GSG1L: variants seen among roughly 807,000 people sequenced by gnomAD.
The protein encoded by GSG1L is germ cell-specific gene 1-like protein.
A neutral mutation model predicts 42.1 loss-of-function variants in GSG1L; 24 were observed. The observed-to-expected ratio is 0.57, with a 90% CI of 0.41 to 0.80. The LOEUF (loss-of-function observed/expected upper bound fraction) is 0.80. GSG1L is among the 30% of genes least tolerant of loss of function. The probability of loss-of-function intolerance (pLI) is 0.00; values close to 1 mark genes in which losing one functional copy is unlikely to be tolerated. For missense variants in GSG1L, 445 were observed against 472.2 expected (o/e 0.94, Z 0.53); for synonymous variants, 215 against 203.5 (o/e 1.06, Z -0.48).
chr16:27,902,558 G>A (rs1173357494), intron 2 of GSG1L, among the ~76,000 whole-genome samples: 1 of 152,110 alleles, frequency 6.6e-6, no homozygotes, highest in African/African-American at 2.4e-5. Context: ...CAGAGCAAGG[G>A]GAGGGAGAGG....
intron 2 of GSG1L, among the ~76,000 whole-genome samples, chr16:27,946,958 G>A (rs1465861245): frequency 2.6e-5 from 4 of 152,130 alleles, no homozygotes; most frequent in Admixed American, 6.6e-5. Flanking sequence ...CAAAGTGGAC[G>A]CTGTTATCCC....
At position 28,063,209 on chromosome 16, in the gene GSG1L, G is replaced by T. The variant is rs1162701310; in HGVS notation, c.216C>A (p.Ala72=). ...GGCCGTTCCCCGAGGCGGTGGCGGC[G>T]GCGGCGGCGGCGGCGGGGGCGGCGG... is the stretch of plus-strand genomic sequence containing the variant. ...NGTAAPAAAA[A]AATASGNGPP... The change falls in exon 1 of 7, where the codon GCC becomes GCA. Residue 72 remains alanine, a synonymous_variant. Transcript: ENST00000447459. The surrounding 1 kb of genome is among the most constrained non-coding windows in gnomAD (Gnocchi z 5.8). The T allele has an allele frequency of 7.9e-7, 1 of 1,261,608 alleles. No individual in the cohort carries two copies. The highest frequency in any genetic ancestry group is 2.8e-5 in the South Asian group (1 of 36,012). The allele number at this position is 1,261,608 out of a possible 1,614,324, so 78.2% of individuals were successfully genotyped here. A position where few individuals can be genotyped will look rare whatever the true frequency, so the allele number is the denominator to read the frequency against.
At chr16:27,908,471 C>G (rs2141049364) in intron 2 of GSG1L, among the ~76,000 whole-genome samples, 1 of 152,202 alleles carries the variant, frequency 6.6e-6, no homozygotes, top group East Asian at 1.9e-4. Context: ...CCCGTCCTGT[C>G]TACACTTTGG....
chr16:27,799,332 G>C (rs913995411), intron 6 of GSG1L, among the ~76,000 whole-genome samples: 49 of 151,628 alleles, frequency 3.2e-4, no homozygotes, highest in African/African-American at 1.1e-3. Flanking sequence ...CCAGGAGTTC[G>C]AGACCAGCCT....
At chr16:28,003,697 G>A (rs1351743571) in intron 1 of GSG1L, among the ~76,000 whole-genome samples, 1 of 152,198 alleles carries the variant, frequency 6.6e-6, no homozygotes, top group African/African-American at 2.4e-5. Flanking sequence ...GTGTTTCCCA[G>A]AATTCCCCCT....
intron 1 of GSG1L, among the ~76,000 whole-genome samples, chr16:28,004,994 A>G (rs1288855135): frequency 1.3e-5 from 2 of 152,146 alleles, no homozygotes; most frequent in East Asian, 1.9e-4. Context: ...AGCACCACAA[A>G]TAGGTGGCCT....
At chr16:28,028,003 C>T (rs890594267) in intron 1 of GSG1L, among the ~76,000 whole-genome samples, 4 of 152,176 alleles carry the variant, frequency 2.6e-5, no homozygotes, top group Non-Finnish European at 5.9e-5. Context: ...CACCTAAGGC[C>T]TCAGCAGCAG....
intron 6 of GSG1L, among the ~76,000 whole-genome samples, chr16:27,792,046 C>T (rs1307839745): frequency 2.0e-5 from 3 of 152,026 alleles, no homozygotes; most frequent in African/African-American, 4.8e-5. Flanking sequence ...TCCCTCCATC[C>T]TTCCCTTCCA....
chr16:27,919,025 A>G (rs565239048), intron 2 of GSG1L, among the ~76,000 whole-genome samples: 1 of 152,294 alleles, frequency 6.6e-6, no homozygotes, highest in African/African-American at 2.4e-5. Context: ...GGCACTACCA[A>G]TTGAGAATAG....
chr16:27,804,037 G>GGATAGATAGATACAGATATA (rs1455236652), intron 6 of GSG1L, among the ~76,000 whole-genome samples: 23 of 132,782 alleles, frequency 1.7e-4, no homozygotes, highest in African/African-American at 5.3e-4. Context: ...TAGATTAGAT[G>GGATAGATAGATACAGATATA]GATAGATAGA....
intron 5 of GSG1L, among the ~76,000 whole-genome samples, chr16:27,809,586 A>C (rs1052349597): frequency 5.3e-5 from 8 of 151,756 alleles, no homozygotes; most frequent in Admixed American, 5.2e-4. Flanking sequence ...GAGAAAAAAA[A>C]AAAAACCAAT....
At chr16:27,813,198 G>A (rs1452050758) in intron 5 of GSG1L, among the ~76,000 whole-genome samples, 1 of 152,202 alleles carries the variant, frequency 6.6e-6, no homozygotes, top group Admixed American at 6.5e-5. Flanking sequence ...CCCAGGTAAT[G>A]AGCATAGAAC....
At chr16:27,942,298 G>A (rs2084809104) in intron 2 of GSG1L, among the ~76,000 whole-genome samples, 1 of 152,294 alleles carries the variant, frequency 6.6e-6, no homozygotes, top group Admixed American at 6.5e-5. Context: ...TACAGGTGCT[G>A]GCCACCACAT....
intron 2 of GSG1L, among the ~76,000 whole-genome samples, chr16:27,923,517 G>T (rs958230235): frequency 1.1e-4 from 16 of 152,222 alleles, no homozygotes; most frequent in African/African-American, 3.9e-4. Flanking sequence ...GACTGAGGCA[G>T]GCAGATCGTT....
intron 6 of GSG1L, 112 bp downstream of exon 6, chr16:27,807,375 A>G: frequency 1.3e-6 from 1 of 785,540 alleles, no homozygotes; most frequent in East Asian, 2.7e-5. Context: ...TTTGTGGGAG[A>G]ATGCAGGGTG....
At chr16:28,004,115 A>G (rs1567551971) in intron 1 of GSG1L, among the ~76,000 whole-genome samples, 1 of 152,066 alleles carries the variant, frequency 6.6e-6, no homozygotes, top group Non-Finnish European at 1.5e-5. Flanking sequence ...GGCAGGAGAG[A>G]GCCCACAGGG....
chr16:27,880,736 T>C (rs1331797215), intron 3 of GSG1L, among the ~76,000 whole-genome samples: 1 of 152,132 alleles, frequency 6.6e-6, no homozygotes, highest in Non-Finnish European at 1.5e-5. Flanking sequence ...CAAGAACCGG[T>C]GTTGGCTGCC....
At chr16:28,044,487 C>G (rs2086141550) in intron 1 of GSG1L, among the ~76,000 whole-genome samples, 1 of 152,076 alleles carries the variant, frequency 6.6e-6, no homozygotes, top group African/African-American at 2.4e-5. Context: ...TCATAATTGC[C>G]AAAACTTGGA....
At chr16:27,931,336 G>A (rs547256391) in intron 2 of GSG1L, among the ~76,000 whole-genome samples, 2 of 152,272 alleles carry the variant, frequency 1.3e-5, no homozygotes, top group African/African-American at 4.8e-5. Flanking sequence ...AGCCCACCGT[G>A]CTCAAACGGC....
Sources: allele counts gnomAD v4.1 joint callset (sites outside exome capture counted in the v4.1 genomes callset), GRCh38; gene constraint gnomAD v4.1.1; non-coding constraint Gnocchi (gnomAD v3.1); transcripts MANE v1.5; gene names NCBI Gene and HGNC (gene_info 2026-07-23, HGNC 2026-07-21).